Variants in SLIT2 observed in about 807,000 individuals in gnomAD.
SLIT2 encodes slit guidance ligand 2, also known as slit homolog 2 protein.
A neutral mutation model predicts 185.7 loss-of-function variants in SLIT2; 41 were observed. The ratio of observed to expected loss-of-function variants is 0.22; its 90% CI spans 0.17 to 0.29. The LOEUF (loss-of-function observed/expected upper bound fraction) is 0.29. Among genes scored for constraint, SLIT2 ranks in the 10% least tolerant of loss-of-function variants. SLIT2 has a pLI of 1.00. For synonymous variants in SLIT2, 693 were observed against 680.2 expected (o/e 1.02, Z -0.29); for missense variants, 1,571 against 1,909.0 (o/e 0.82, Z 3.30).
At position 20,550,810 on chromosome 4, in the gene SLIT2, CT is replaced by C; in HGVS notation, c.2490-12del. The C allele has an allele frequency of 1.3e-6, 2 of 1,555,220 alleles. No individual in the cohort carries two copies. The highest frequency in any genetic ancestry group is 1.8e-6 in the Non-Finnish European group (2 of 1,133,234). ...CAGAAATATAGGAAGTTTAATTTTT[CT>C]TTTTCTTTCTTTTAGTTCTCTACAT... On this transcript the variant is annotated splice_polypyrimidine_tract_variant and intron_variant, in intron 24 of 36. Transcript: ENST00000504154.
intron 4 of SLIT2, among the ~76,000 whole-genome samples, chr4:20,388,146 A>G (rs573900374): frequency 2.0e-5 from 3 of 152,274 alleles, no homozygotes; most frequent in African/African-American, 7.2e-5. Context: ...CTGGTAAAAA[A>G]TGCAAAGTTT....
chr4:20,506,947 CT>C (rs1453659809), intron 9 of SLIT2, among the ~76,000 whole-genome samples: 1 of 151,832 alleles, frequency 6.6e-6, no homozygotes, highest in Non-Finnish European at 1.5e-5. Context: ...GTTTCAAATA[CT>C]TTTTTTGGAA....
chr4:20,609,553 TAC>T (rs1187169448), intron 33 of SLIT2, among the ~76,000 whole-genome samples: 2 of 152,220 alleles, frequency 1.3e-5, no homozygotes, highest in Non-Finnish European at 1.5e-5. Flanking sequence ...AGTCCTAATC[TAC>T]AGTTTTTTTT....
Position 20,350,327 on chromosome 4 carries a change from C to A in SLIT2, c.395+81446C>A, listed in dbSNP as rs573457817. Among the ~76,000 whole-genome samples, 3 of 151,868 alleles carry A rather than the reference C, an allele frequency of 2.0e-5. No homozygotes were observed. In the South Asian group the frequency reaches 6.2e-4, roughly 32 times the overall value. ...ATGCTGAGTACAAATATCCTCCAAC[C>A]CAATTTTAAAAATAACTTATATGTA... On this transcript the variant is annotated intron_variant, in intron 4 of 36. Coordinates refer to ENST00000504154, the MANE Select transcript of SLIT2 (RefSeq NM_004787.4).
chr4:20,256,141 C>T (rs888441849), intron 1 of SLIT2, among the ~76,000 whole-genome samples: 1 of 152,120 alleles, frequency 6.6e-6, no homozygotes, highest in Non-Finnish European at 1.5e-5. Context: ...AAGGTAAATG[C>T]CTATGAATGC....
At chr4:20,306,542 T>C (rs958871619) in intron 4 of SLIT2, among the ~76,000 whole-genome samples, 2 of 152,216 alleles carry the variant, frequency 1.3e-5, no homozygotes, top group Non-Finnish European at 2.9e-5. Flanking sequence ...AGCTTGAGAA[T>C]TACAAGCCAG....
At chr4:20,310,447 G>A (rs1718002972) in intron 4 of SLIT2, among the ~76,000 whole-genome samples, 2 of 152,014 alleles carry the variant, frequency 1.3e-5, no homozygotes. Context: ...GTTTCCTAGG[G>A]CACCAACCTG....
intron 4 of SLIT2, among the ~76,000 whole-genome samples, chr4:20,440,208 A>G (rs907075278): frequency 2.0e-5 from 3 of 151,350 alleles, no homozygotes; most frequent in African/African-American, 7.3e-5. Context: ...AGGGGAAATA[A>G]AAAAAAAATT....
intron 29 of SLIT2, among the ~76,000 whole-genome samples, chr4:20,586,786 A>G (rs941961868): frequency 6.6e-6 from 1 of 152,202 alleles, no homozygotes; most frequent in Non-Finnish European, 1.5e-5. Context: ...TAAAGAAGGG[A>G]ACATATAATG....
intron 4 of SLIT2, among the ~76,000 whole-genome samples, chr4:20,303,120 C>T (rs563738869): frequency 3.9e-4 from 59 of 152,196 alleles, no homozygotes; most frequent in African/African-American, 1.3e-3. Flanking sequence ...AGTAGTGTTA[C>T]ATGGAAAATG....
At chr4:20,554,007 C>T (rs747981065) in intron 26 of SLIT2, 39 bp downstream of exon 26, 69 of 1,470,914 alleles carry the variant, frequency 4.7e-5, no homozygotes, top group Non-Finnish European at 6.3e-5. Flanking sequence ...TTAAGAATTA[C>T]TATATTAAGT....
At chr4:20,473,036 G>T in intron 5 of SLIT2, among the ~76,000 whole-genome samples, 1 of 151,696 alleles carries the variant, frequency 6.6e-6, no homozygotes, top group East Asian at 1.9e-4. Context: ...TTTTTAGTGA[G>T]TTCAATATGA....
At chr4:20,387,787 G>A (rs1467753759) in intron 4 of SLIT2, among the ~76,000 whole-genome samples, 4 of 152,040 alleles carry the variant, frequency 2.6e-5, no homozygotes, top group Admixed American at 2.0e-4. Context: ...ACTGAATTCT[G>A]CCAACAACCT....
intron 4 of SLIT2, among the ~76,000 whole-genome samples, chr4:20,462,454 T>C (rs900273788): frequency 1.1e-4 from 17 of 152,230 alleles, no homozygotes; most frequent in Non-Finnish European, 1.8e-4. Context: ...TTTCCATTGT[T>C]GTTTGCTTAT....
At chr4:20,456,228 AGTCCTCTAGTCAGTGTTTT>A (rs1560438230) in intron 4 of SLIT2, among the ~76,000 whole-genome samples, 1 of 152,058 alleles carries the variant, frequency 6.6e-6, no homozygotes, top group Non-Finnish European at 1.5e-5. Context: ...AAAACTTCTT[AGTCCTCTAGTCAGTGTTTT>A]AGAATCCCAA....
intron 4 of SLIT2, among the ~76,000 whole-genome samples, chr4:20,402,317 C>A (rs1166505502): frequency 6.6e-6 from 1 of 151,706 alleles, no homozygotes; most frequent in Non-Finnish European, 1.5e-5. Flanking sequence ...ATTTATTAAG[C>A]CAGAATAAAA....
chr4:20,258,349 T>C (rs1712081159), intron 3 of SLIT2, among the ~76,000 whole-genome samples: 2 of 151,832 alleles, frequency 1.3e-5, no homozygotes, highest in South Asian at 2.1e-4. Flanking sequence ...GCTTTGTGTG[T>C]TATCAGTGAC....
chr4:20,324,261 A>AGTGT (rs1294918192), intron 4 of SLIT2, among the ~76,000 whole-genome samples: 1 of 123,832 alleles, frequency 8.1e-6, no homozygotes, highest in African/African-American at 3.6e-5. Context: ...GCATTGAGAC[A>AGTGT]ATGTATTGGT....
intron 26 of SLIT2, among the ~76,000 whole-genome samples, chr4:20,565,648 T>C (rs1725030399): frequency 6.6e-6 from 1 of 151,898 alleles, no homozygotes; most frequent in Admixed American, 6.6e-5. Context: ...GAGACTCCTT[T>C]AGTTATTGTA....
Sources: gnomAD v4.1 joint callset for allele counts (sites outside exome capture counted in the v4.1 genomes callset) on GRCh38, gnomAD v4.1.1 for gene constraint, MANE v1.5 for transcripts, NCBI Gene and HGNC (gene_info 2026-07-23, HGNC 2026-07-21) for gene names.